Variants in CDKL5 observed in about 807,000 individuals in gnomAD.
CDKL5 encodes the protein cyclin dependent kinase like 5, also known as cyclin-dependent kinase-like 5.
CDKL5 carries 8 observed loss-of-function variants against 61.7 expected under a neutral mutation model. The ratio of observed to expected loss-of-function variants is 0.13; its 90% CI spans 0.08 to 0.23. The LOEUF is 0.23. Ranked by LOEUF, CDKL5 falls within the 10% of genes least tolerant of loss-of-function variation. CDKL5 has a pLI of 1.00. For missense variants in CDKL5, 440 were observed against 734.5 expected, an observed-to-expected ratio of 0.60 and a Z score of 4.63; for synonymous variants, 275 against 272.3, an observed-to-expected ratio of 1.01 and a Z score of -0.10.
rs1461347361 is a variant in CDKL5, at chrX:18,638,640, A to G, written c.*9883A>G. ...CAGATAAATGTCTTATGAATCGTAT[A>G]TCTTACTGTTTATTAAATTCTGAAG... On this transcript the variant is annotated 3_prime_UTR_variant, in exon 18 of 18. Coordinates refer to ENST00000623535, the MANE Select transcript of CDKL5 (RefSeq NM_001323289.2). Among the ~76,000 whole-genome samples the G allele has an allele frequency of 1.8e-5, 2 of 112,736 alleles. No homozygotes were observed. The highest frequency in any genetic ancestry group is 3.7e-5 in the Non-Finnish European group (2 of 53,424).
At chrX:18,508,681 T>TTA (rs747997938) in intron 2 of CDKL5, among the ~76,000 whole-genome samples, 1,768 of 105,385 alleles carry the variant, frequency 0.017, 17 homozygotes, top group African/African-American at 0.036. Flanking sequence ...TACCAGACTG[T>TTA]TATATATATA....
Position 18,632,511 on chromosome X carries a change from C to T in CDKL5, c.*3754C>T. On this transcript the variant is annotated 3_prime_UTR_variant, in exon 18 of 18. Coordinates refer to ENST00000623535, the MANE Select transcript of CDKL5 (RefSeq NM_001323289.2). The stretch of plus-strand genomic sequence containing the variant: ...GTTTTTTATTCAAGTCATTTAATAG[C>T]TCTTTACAAATATTAGCATATGGCA... 1 of 754,298 alleles carries T rather than the reference C, an allele frequency of 1.3e-6. No homozygotes were observed. The highest frequency in any genetic ancestry group is 8.6e-5 in the Admixed American group (1 of 11,663). 62.2% of individuals were successfully genotyped at this position (754,298 alleles called of 1,213,427 possible). A position where few individuals can be genotyped will look rare whatever the true frequency, so the allele number is the denominator to read the frequency against.
chrX:18,436,044 T>C (rs1931602830), intron 1 of CDKL5, among the ~76,000 whole-genome samples: 1 of 112,091 alleles, frequency 8.9e-6, no homozygotes, highest in Admixed American at 9.6e-5. Context: ...GCCTTATTGG[T>C]AATATAAATA....
chrX:18,631,048 C>T lies in CDKL5; in HGVS notation c.*2291C>T, dbSNP rs1024700253. The T allele has an allele frequency of 8.0e-6, 6 of 748,972 alleles. No individual in the cohort carries two copies. The highest frequency in any genetic ancestry group is 4.8e-5 in the African/African-American group (2 of 42,017). The allele number at this position is 748,972 out of a possible 1,213,427, so 61.7% of individuals were successfully genotyped here. On this transcript the variant is annotated 3_prime_UTR_variant, in exon 18 of 18. Coordinates refer to ENST00000623535, the MANE Select transcript of CDKL5 (RefSeq NM_001323289.2). ...TATGCGCTTAGGAACTGCACGGTCC[C>T]GTTGCCATGCTGTGGCATTCGAGGC...
At chrX:18,442,011 C>A (rs761093754) in intron 1 of CDKL5, among the ~76,000 whole-genome samples, 96 of 111,322 alleles carry the variant, frequency 8.6e-4, no homozygotes, top group African/African-American at 3.0e-3. Flanking sequence ...CCCCACCCCT[C>A]CTCCCTGCTG....
chrX:18,437,745 A>AT (rs962996216), intron 1 of CDKL5, among the ~76,000 whole-genome samples: 1 of 112,404 alleles, frequency 8.9e-6, no homozygotes, highest in Non-Finnish European at 1.9e-5. Context: ...GCTTATGTAT[A>AT]TATAAGTGCT....
At chrX:18,432,606 T>C (rs1465990848) in intron 1 of CDKL5, among the ~76,000 whole-genome samples, 3 of 102,299 alleles carry the variant, frequency 2.9e-5, no homozygotes, top group Non-Finnish European at 6.0e-5. Context: ...AAGATGTCTT[T>C]TTTTTTTTTT....
At chrX:18,509,812 C>T (rs1382641956) in intron 2 of CDKL5, among the ~76,000 whole-genome samples, 2 of 110,073 alleles carry the variant, frequency 1.8e-5, no homozygotes, top group African/African-American at 3.3e-5. Flanking sequence ...GCAAATCCTA[C>T]TAGCTATTAA....
chrX:18,580,698 TACA>T (rs900209833), intron 6 of CDKL5, among the ~76,000 whole-genome samples: 8 of 111,986 alleles, frequency 7.1e-5, no homozygotes, highest in African/African-American at 2.6e-4. Flanking sequence ...CACAAATTGA[TACA>T]ACAATGACCC....
intron 15 of CDKL5, among the ~76,000 whole-genome samples, chrX:18,618,708 C>T (rs1926794463): frequency 8.9e-6 from 1 of 112,228 alleles, no homozygotes; most frequent in African/African-American, 3.2e-5. Flanking sequence ...GTGGCTCACA[C>T]CTGTAATTCC....
At chrX:18,505,733 A>T (rs1401490852) in intron 1 of CDKL5, among the ~76,000 whole-genome samples, 2 of 112,333 alleles carry the variant, frequency 1.8e-5, no homozygotes, top group Non-Finnish European at 3.8e-5. Flanking sequence ...CTTATTGATG[A>T]CGTTAACTTG....
intron 1 of CDKL5, among the ~76,000 whole-genome samples, chrX:18,438,233 G>A (rs1396136279): frequency 9.2e-6 from 1 of 109,230 alleles, no homozygotes; most frequent in Non-Finnish European, 1.9e-5. Flanking sequence ...GCCCGGCTAA[G>A]TTTTGTATTT....
chrX:18,513,033 C>T (rs1339298785), intron 3 of CDKL5, among the ~76,000 whole-genome samples: 1 of 111,359 alleles, frequency 9.0e-6, no homozygotes, highest in Non-Finnish European at 1.9e-5. Context: ...TGTACATACA[C>T]ATATGCATAC....
At chrX:18,626,712 CT>C (rs1927062375) in intron 17 of CDKL5, 3 of 51,060 alleles carry the variant, frequency 5.9e-5, no homozygotes, top group African/African-American at 1.6e-4. Context: ...CTCTCTCTCT[CT>C]CTCTCTCTCT....
At chrX:18,430,210 A>G (rs1220770308) in intron 1 of CDKL5, among the ~76,000 whole-genome samples, 6 of 112,342 alleles carry the variant, frequency 5.3e-5, no homozygotes, top group Non-Finnish European at 1.1e-4. Context: ...GTTGTTTCTA[A>G]TTAGCTACTT....
chrX:18,447,034 C>T (rs1931895490), intron 1 of CDKL5, among the ~76,000 whole-genome samples: 1 of 111,714 alleles, frequency 9.0e-6, no homozygotes, highest in Non-Finnish European at 1.9e-5. Context: ...ATTCTGTTCC[C>T]AGTGGCTGTC....
intron 3 of CDKL5, among the ~76,000 whole-genome samples, chrX:18,521,475 C>T (rs955528401): frequency 9.0e-6 from 1 of 110,594 alleles, no homozygotes; most frequent in African/African-American, 3.3e-5. Flanking sequence ...TTTAATGGTA[C>T]AGTAGTATAG....
At position 18,428,989 on chromosome X, in the gene CDKL5, GT is replaced by G. The variant is rs1265953643; in HGVS notation, c.-163+3299del. 3.6e-5 allele frequency among the ~76,000 whole-genome samples: 4 copies of G among 110,999 alleles called. No individual in the cohort carries two copies. The East Asian group carries it at 1.1e-3, about 31-fold the overall frequency. ...AGTGTTCAGATTTTAGGTTTTGATC[GT>G]TTTTAGAATTTTTTTTTATGTGTGT... On this transcript the variant is annotated intron_variant, in intron 1 of 17. Coordinates refer to ENST00000623535, the MANE Select transcript of CDKL5 (RefSeq NM_001323289.2).
chrX:18,504,948 AAG>A (rs1922525033), intron 1 of CDKL5, among the ~76,000 whole-genome samples: 1 of 110,160 alleles, frequency 9.1e-6, no homozygotes, highest in Non-Finnish European at 1.9e-5. Context: ...AAAAAAAAAA[AAG>A]AAAGTTTCAG....
Sources: allele counts gnomAD v4.1 joint callset (sites outside exome capture counted in the v4.1 genomes callset), GRCh38; gene constraint gnomAD v4.1.1; transcripts MANE v1.5; gene names NCBI Gene and HGNC (gene_info 2026-07-23, HGNC 2026-07-21).